SRFBP1: variants seen among roughly 807,000 people sequenced by gnomAD.
SRFBP1 encodes the protein serum response factor binding protein 1.
In SRFBP1, 47 loss-of-function variants were observed where a neutral mutation model predicts 45.5. The observed-to-expected ratio is 1.03, with a 90% CI of 0.82 to 1.32. The LOEUF (loss-of-function observed/expected upper bound fraction) is 1.32, where lower values mean the gene tolerates loss of function less well. Ranked by LOEUF, SRFBP1 falls within the 40% of genes most tolerant of loss-of-function variation. The pLI, the probability that SRFBP1 is intolerant of heterozygous loss-of-function variation, is 0.00. For missense variants in SRFBP1, 621 were observed against 484.6 expected, an observed-to-expected ratio of 1.28 and a Z score of -2.64; for synonymous variants, 203 against 166.3, an observed-to-expected ratio of 1.22 and a Z score of -1.70.
chr5:122,040,120 A>AT (rs954608941), intron 2 of SRFBP1, among the ~76,000 whole-genome samples: 1 of 151,936 alleles, frequency 6.6e-6, no homozygotes, highest in South Asian at 2.1e-4. Flanking sequence ...GTGAAATTTT[A>AT]TTTTTTTAAT....
intron 4 of SRFBP1, among the ~76,000 whole-genome samples, chr5:122,010,320 T>A (rs1212343150): frequency 1.3e-5 from 2 of 152,106 alleles, no homozygotes; most frequent in Non-Finnish European, 2.9e-5. Flanking sequence ...TCGTTCTTCC[T>A]TAGTTGACTA....
intron 2 of SRFBP1, chr5:122,070,273 TTAAGTAAG>T: frequency 1.4e-6 from 1 of 735,082 alleles, no homozygotes; most frequent in Non-Finnish European, 2.4e-6. Context: ...GGATTTTAAC[TTAAGTAAG>T]TGGTTAAACT....
intron 1 of SRFBP1, among the ~76,000 whole-genome samples, chr5:121,969,242 A>G (rs1459809292): frequency 6.6e-6 from 1 of 152,190 alleles, no homozygotes; most frequent in African/African-American, 2.4e-5. Context: ...AAATGCTCAC[A>G]TTGTAAAACA....
intron 2 of SRFBP1, among the ~76,000 whole-genome samples, chr5:122,043,891 A>C (rs548508985): frequency 1.3e-5 from 2 of 152,026 alleles, no homozygotes. Context: ...GTGGATGTGC[A>C]GGTTTGTTAT....
intron 2 of SRFBP1, among the ~76,000 whole-genome samples, chr5:122,059,708 C>T (rs563319276): frequency 6.6e-6 from 1 of 152,106 alleles, no homozygotes; most frequent in East Asian, 1.9e-4. Flanking sequence ...TGAAGTTTTC[C>T]CTTCCCCTCT....
At chr5:122,075,783 T>C (rs1387006726), downstream of SRFBP1, among the ~76,000 whole-genome samples, 1 of 152,134 alleles carries the variant, frequency 6.6e-6, no homozygotes, top group Non-Finnish European at 1.5e-5. Flanking sequence ...ATAACACCTA[T>C]GGAAATCCAC....
chr5:122,043,579 A>G lies in SRFBP1; in HGVS notation n.311+21172A>G, dbSNP rs573009280. ...CAGCTCTCAGTCACATTGTCATTTT[A>G]TAGGCAACTTTTGTGTGTGTCACTG... On this transcript the variant is annotated intron_variant and non_coding_transcript_variant, in intron 2 of 2. Transcript: ENST00000504881. Among the ~76,000 whole-genome samples, 2 of 152,294 alleles carry G rather than the reference A, an allele frequency of 1.3e-5. 1 individual carries two copies. The highest frequency in any genetic ancestry group is 4.1e-4 in the South Asian group (2 of 4,826).
intron 2 of SRFBP1, among the ~76,000 whole-genome samples, chr5:122,068,620 G>T (rs1754366911): frequency 6.6e-6 from 1 of 152,092 alleles, no homozygotes; most frequent in African/African-American, 2.4e-5. Context: ...ATACAACAGT[G>T]GACAAGAGAC....
At chr5:122,073,180 C>T (rs970592200) in intron 2 of SRFBP1, among the ~76,000 whole-genome samples, 14 of 152,124 alleles carry the variant, frequency 9.2e-5, no homozygotes, top group African/African-American at 3.4e-4. Context: ...CATTCACTAC[C>T]CCTTGCCAAG....
intron 2 of SRFBP1, among the ~76,000 whole-genome samples, chr5:122,040,930 TATGAC>T (rs1417454875): frequency 6.6e-6 from 1 of 152,158 alleles, no homozygotes; most frequent in African/African-American, 2.4e-5. Context: ...CTTTTTCTTC[TATGAC>T]ATTCATCACC....
At chr5:122,045,383 C>G (rs1753838854) in intron 2 of SRFBP1, among the ~76,000 whole-genome samples, 1 of 151,968 alleles carries the variant, frequency 6.6e-6, no homozygotes, top group African/African-American at 2.4e-5. Flanking sequence ...TTTTTCTAAT[C>G]CTGCCAAAAA....
At chr5:122,042,685 C>T (rs531048053) in intron 2 of SRFBP1, among the ~76,000 whole-genome samples, 1 of 151,926 alleles carries the variant, frequency 6.6e-6, no homozygotes, top group Non-Finnish European at 1.5e-5. Context: ...TGTATTTTTT[C>T]TTTGTGTGCT....
At chr5:122,043,509 C>T (rs1487989558) in intron 2 of SRFBP1, among the ~76,000 whole-genome samples, 1 of 152,190 alleles carries the variant, frequency 6.6e-6, no homozygotes, top group Non-Finnish European at 1.5e-5. Flanking sequence ...AGCCACCATG[C>T]CCAGCCTGTC....
intron 2 of SRFBP1, among the ~76,000 whole-genome samples, chr5:122,075,054 C>A (rs991015920): frequency 1.3e-5 from 2 of 152,156 alleles, no homozygotes; most frequent in Non-Finnish European, 2.9e-5. Flanking sequence ...TGATAAAAAA[C>A]GTGTGGTCTT....
At chr5:122,033,149 T>C (rs1318258137), downstream of SRFBP1, among the ~76,000 whole-genome samples, 2 of 151,968 alleles carry the variant, frequency 1.3e-5, no homozygotes, top group Non-Finnish European at 2.9e-5. Flanking sequence ...TTTTTGCCCA[T>C]TTTTCCACTG....
At chr5:121,963,747 G>C (rs1752000896) in intron 1 of SRFBP1, among the ~76,000 whole-genome samples, 1 of 152,050 alleles carries the variant, frequency 6.6e-6, no homozygotes, top group Admixed American at 6.6e-5. Context: ...ATTTGTGAAA[G>C]CAGGAACTAC....
intron 2 of SRFBP1, among the ~76,000 whole-genome samples, chr5:122,055,008 A>T (rs1025247098): frequency 1.3e-5 from 2 of 152,250 alleles, no homozygotes; most frequent in African/African-American, 4.8e-5. Flanking sequence ...TATAAACTTG[A>T]ATAAACTTTG....
intron 3 of SRFBP1, among the ~76,000 whole-genome samples, chr5:121,982,097 A>G (rs1490385011): frequency 6.6e-6 from 1 of 152,020 alleles, no homozygotes; most frequent in African/African-American, 2.4e-5. Flanking sequence ...CTTATTAAGT[A>G]TCAGAAACAG....
At chr5:122,020,015 A>G in intron 5 of SRFBP1, 73 bp from the exon 6 acceptor site, 1 of 1,019,740 alleles carries the variant, frequency 9.8e-7, no homozygotes, top group Non-Finnish European at 1.4e-6. Context: ...TAATTTTTTA[A>G]AATACTGTCC....
Sources: gnomAD v4.1 joint callset for allele counts (sites outside exome capture counted in the v4.1 genomes callset) on GRCh38, gnomAD v4.1.1 for gene constraint, MANE v1.5 for transcripts, NCBI Gene and HGNC (gene_info 2026-07-23, HGNC 2026-07-21) for gene names.